Variants in ZBTB7C observed in about 807,000 individuals in gnomAD.
ZBTB7C encodes zinc finger and BTB domain-containing protein 7C.
ZBTB7C carries 8 observed loss-of-function variants against 25.7 expected under a neutral mutation model. The observed-to-expected ratio is 0.31, with a 90% CI of 0.18 to 0.56. The LOEUF is 0.56. ZBTB7C is among the 20% of genes least tolerant of loss of function. ZBTB7C has a pLI of 0.91. For synonymous variants in ZBTB7C, 394 were observed against 369.0 expected (o/e 1.07, Z -0.78); for missense variants, 824 against 855.2 (o/e 0.96, Z 0.46).
chr18:48,135,714 C>G (rs987922848), intron 3 of ZBTB7C, among the ~76,000 whole-genome samples: 4 of 152,190 alleles, frequency 2.6e-5, no homozygotes, highest in Non-Finnish European at 5.9e-5. Context: ...AAACTTGAAC[C>G]TGGCAGAGCC....
chr18:48,128,331 C>A (rs527872611), intron 3 of ZBTB7C, among the ~76,000 whole-genome samples: 1,543 of 152,296 alleles, frequency 0.01, 23 homozygotes, highest in African/African-American at 0.036. Flanking sequence ...TCCCCTTCCC[C>A]AAATAAACAA....
At chr18:48,130,461 G>A (rs1222710905) in intron 3 of ZBTB7C, among the ~76,000 whole-genome samples, 2 of 152,112 alleles carry the variant, frequency 1.3e-5, no homozygotes, top group Non-Finnish European at 2.9e-5. Flanking sequence ...GCAACAACAC[G>A]GGTGATCTGG....
At chr18:48,269,137 T>G (rs1458327449) in intron 2 of ZBTB7C, among the ~76,000 whole-genome samples, 1 of 152,104 alleles carries the variant, frequency 6.6e-6, no homozygotes, top group Non-Finnish European at 1.5e-5. Flanking sequence ...ACTTTTTTTG[T>G]ATTTTTAGTA....
intron 3 of ZBTB7C, chr18:48,165,217 C>T (rs1207720636): frequency 1.1e-6 from 1 of 876,874 alleles, no homozygotes. Context: ...TAGAGGAGAG[C>T]TCCCAGCCTC....
chr18:48,202,343 G>A (rs528060800), intron 2 of ZBTB7C, among the ~76,000 whole-genome samples: 2 of 152,110 alleles, frequency 1.3e-5, no homozygotes, highest in South Asian at 2.1e-4. Context: ...AAGAGGTCGC[G>A]AGGGATTAGA....
chr18:48,211,735 T>C (rs2042706737), intron 2 of ZBTB7C, among the ~76,000 whole-genome samples: 1 of 152,190 alleles, frequency 6.6e-6, no homozygotes, highest in South Asian at 2.1e-4. Flanking sequence ...CATTCATTGT[T>C]GGTGGGGATG....
At chr18:48,074,686 C>G (rs2144425928) in intron 3 of ZBTB7C, among the ~76,000 whole-genome samples, 1 of 152,370 alleles carries the variant, frequency 6.6e-6, no homozygotes, top group South Asian at 2.1e-4. Context: ...CCAGCCCCTA[C>G]AAACTCTCCA....
upstream of ZBTB7C, among the ~76,000 whole-genome samples, chr18:48,412,419 C>A (rs1456874051): frequency 6.6e-6 from 1 of 152,106 alleles, no homozygotes; most frequent in Non-Finnish European, 1.5e-5. Flanking sequence ...TTGTTGTAAC[C>A]GTTTTATAGA....
intron 1 of ZBTB7C, among the ~76,000 whole-genome samples, chr18:48,345,547 C>G (rs568769106): frequency 1.3e-5 from 2 of 152,314 alleles, no homozygotes; most frequent in East Asian, 3.9e-4. Flanking sequence ...AGCACCGCCC[C>G]CCACACCCCC....
At chr18:48,034,898 G>C (rs2035908793) in intron 4 of ZBTB7C, among the ~76,000 whole-genome samples, 2 of 152,134 alleles carry the variant, frequency 1.3e-5, no homozygotes, top group African/African-American at 4.8e-5. Context: ...AGGGCTGTGG[G>C]GCCTTGGCCT....
intron 1 of ZBTB7C, among the ~76,000 whole-genome samples, chr18:48,389,122 A>T (rs2047818083): frequency 1.3e-5 from 2 of 150,766 alleles, no homozygotes; most frequent in South Asian, 4.2e-4. Flanking sequence ...TGTGAGTAGC[A>T]GGGTAACTGC....
chr18:48,243,810 C>G (rs1433013208), intron 2 of ZBTB7C, among the ~76,000 whole-genome samples: 1 of 152,126 alleles, frequency 6.6e-6, no homozygotes. Context: ...CAGCATGGTA[C>G]TGGTATAAAA....
chr18:48,213,564 T>C (rs2042752552), intron 2 of ZBTB7C, among the ~76,000 whole-genome samples: 1 of 152,246 alleles, frequency 6.6e-6, no homozygotes, highest in Admixed American at 6.5e-5. Flanking sequence ...TTTGTTGGCA[T>C]CTCATTGCTC....
intron 2 of ZBTB7C, among the ~76,000 whole-genome samples, chr18:48,268,033 T>C (rs1390980815): frequency 1.3e-5 from 2 of 152,222 alleles, no homozygotes; most frequent in African/African-American, 2.4e-5. Flanking sequence ...GTACTCTCCA[T>C]AGGCCAACAT....
At chr18:48,314,423 G>T (rs1375693331) in intron 2 of ZBTB7C, among the ~76,000 whole-genome samples, 1 of 152,130 alleles carries the variant, frequency 6.6e-6, no homozygotes, top group African/African-American at 2.4e-5. Context: ...GCTCCCTAGG[G>T]TACATGTATC....
intron 1 of ZBTB7C, among the ~76,000 whole-genome samples, chr18:48,399,128 G>C (rs991634998): frequency 6.6e-6 from 1 of 152,232 alleles, no homozygotes; most frequent in Non-Finnish European, 1.5e-5. Flanking sequence ...CAATGCGTGA[G>C]ATAAGCTCCC....
intron 2 of ZBTB7C, among the ~76,000 whole-genome samples, chr18:48,259,100 C>T (rs1019730836): frequency 6.6e-6 from 1 of 152,136 alleles, no homozygotes. Context: ...CAAGCTCATG[C>T]CACCACACCC....
At chr18:48,068,264 G>A (rs1186298979) in intron 3 of ZBTB7C, among the ~76,000 whole-genome samples, 3 of 148,980 alleles carry the variant, frequency 2.0e-5, no homozygotes, top group South Asian at 2.2e-4. Context: ...TCAGCCTCCC[G>A]AGTAGCTGGG....
chr18:48,113,206 A>G lies in ZBTB7C; in HGVS notation c.-16-72083T>C, dbSNP rs2039307386. Among the ~76,000 whole-genome samples, 3 of 152,242 alleles carry G rather than the reference A, an allele frequency of 2.0e-5. No individual in the cohort carries two copies. In the South Asian group the frequency reaches 6.2e-4, roughly 32 times the overall value. On this transcript the variant is annotated intron_variant, in intron 3 of 4. Coordinates refer to ENST00000590800, the MANE Select transcript of ZBTB7C (RefSeq NM_001318841.2). ...CCTGAACCTGCTGGCCAGTAGATTC[A>G]TCCATGACACCAACTAACTGCAGTA... is the stretch of plus-strand genomic sequence containing the variant.
Sources: gnomAD v4.1 joint callset for allele counts (sites outside exome capture counted in the v4.1 genomes callset) on GRCh38, gnomAD v4.1.1 for gene constraint, MANE v1.5 for transcripts, NCBI Gene and HGNC (gene_info 2026-07-23, HGNC 2026-07-21) for gene names.